The following TEX261 variants were observed in gnomAD, a reference collection of about 807,000 sequenced individuals.
The protein encoded by TEX261 is protein TEX261.
A neutral mutation model predicts 25.1 loss-of-function variants in TEX261; 13 were observed. The observed-to-expected ratio is 0.52, with a 90% CI of 0.34 to 0.82. TEX261 has a LOEUF of 0.82. TEX261 is among the 40% of genes least tolerant of loss of function. TEX261 has a pLI of 0.02. For missense variants in TEX261, 206 were observed against 243.2 expected, an observed-to-expected ratio of 0.85 and a Z score of 1.02; for synonymous variants, 92 against 97.8, an observed-to-expected ratio of 0.94 and a Z score of 0.35.
At chr2:70,989,063 G>T in intron 4 of TEX261, 46 bp from the exon 5 acceptor site, 1 of 1,542,052 alleles carries the variant, frequency 6.5e-7, no homozygotes, top group Non-Finnish European at 8.9e-7. Context: ...GAGGTGCCAA[G>T]AGTGGGCTGG....
In TEX261 at chr2:70,988,527, G is replaced by A; in HGVS notation, c.*73C>T. 8.1e-7 allele frequency: 1 copy of A among 1,237,906 alleles called. No individual in the cohort carries two copies. The highest frequency in any genetic ancestry group is 1.5e-5 in the African/African-American group (1 of 67,322). 76.7% of individuals were successfully genotyped at this position (1,237,906 alleles called of 1,614,324 possible). ...GTGGTAGGTGCCTTCCCGACTTCTG[G>A]TCCCCACCTGGCATAGAGGCCCAGG... On this transcript the variant is annotated 3_prime_UTR_variant, in exon 6 of 6. Coordinates refer to ENST00000272438, the MANE Select transcript of TEX261 (RefSeq NM_144582.3).
At position 70,994,781 on chromosome 2, in the gene TEX261, C is replaced by A. The variant is rs782801322; in HGVS notation, c.-24G>T. 2 of 1,570,982 alleles carry A rather than the reference C, an allele frequency of 1.3e-6. No homozygotes were observed. The highest frequency in any genetic ancestry group is 4.8e-5 in the East Asian group (2 of 41,246). ...ATGGCGCCCCCACCCGCCCGCTCCCCGGCCACCGGGACGGGCCTGCGCGCT... is the reference window on the plus strand; with the variant it reads ...ATGGCGCCCCCACCCGCCCGCTCCCAGGCCACCGGGACGGGCCTGCGCGCT... On this transcript the variant is annotated 5_prime_UTR_variant, in exon 1 of 6. Coordinates refer to ENST00000272438, the MANE Select transcript of TEX261 (RefSeq NM_144582.3).
At position 70,991,845 on chromosome 2, in the gene TEX261, A is replaced by T. The variant is rs115676218; in HGVS notation, c.289T>A (p.Phe97Ile). The part of the protein sequence containing the change: ...FPFIMLTSPN[F>I]ILSCGLVVVN... The stretch of plus-strand genomic sequence containing the variant: ...CCCCTCTCACCACACGACAGGATGA[A>T]GTTAGGCGAGGTCAGCATGATGAAG... The change falls in exon 3 of 6, where the codon TTC becomes ATC. Residue 97 changes from phenylalanine (F) to isoleucine (I), a missense_variant. By Grantham distance (21) the Phe-to-Ile change is conservative. Coordinates refer to ENST00000272438, the MANE Select transcript of TEX261 (RefSeq NM_144582.3). The T allele has an allele frequency of 6.2e-7, 1 of 1,613,468 alleles. No individual in the cohort carries two copies. The highest frequency in any genetic ancestry group is 1.3e-5 in the African/African-American group (1 of 75,018).
chr2:70,994,553 A>C, intron 1 of TEX261, 135 bp downstream of exon 1: 3 of 1,278,276 alleles, frequency 2.3e-6, no homozygotes, highest in African/African-American at 3.1e-5. Context: ...TCAGGCGGGA[A>C]GGGGTTGGGG....
At chr2:70,994,309 A>T (rs1262188128) in intron 1 of TEX261, among the ~76,000 whole-genome samples, 1 of 152,276 alleles carries the variant, frequency 6.6e-6, no homozygotes, top group African/African-American at 2.4e-5. Flanking sequence ...GAAGTGTCAA[A>T]GGTGGAGAGA....
In TEX261 at chr2:70,990,328, C is replaced by T. The variant is rs1409449290; in HGVS notation, c.305-512G>A. Among the ~76,000 whole-genome samples, 3 of 152,304 alleles carry T rather than the reference C, an allele frequency of 2.0e-5. No homozygotes were observed. The East Asian group carries it at 5.8e-4, about 29-fold the overall frequency. On this transcript the variant is annotated intron_variant, in intron 3 of 5. Coordinates refer to ENST00000272438, the MANE Select transcript of TEX261 (RefSeq NM_144582.3). ...ATAAAAGGGCAAGACTTGCTAGATGCTTTGAGGTGCAGTCTTCAGGTTCCT... is the reference window on the plus strand; with the variant it reads ...ATAAAAGGGCAAGACTTGCTAGATGTTTTGAGGTGCAGTCTTCAGGTTCCT...
At chr2:70,988,829 T>C (rs1392821968) in intron 5 of TEX261, 86 bp downstream of exon 5, 2 of 1,540,822 alleles carry the variant, frequency 1.3e-6, no homozygotes, top group African/African-American at 1.4e-5. Flanking sequence ...AACACAGGGC[T>C]AGATTCAGGT....
intron 2 of TEX261, 31 bp downstream of exon 2, chr2:70,993,662 GTGA>G: frequency 1.1e-5 from 17 of 1,568,546 alleles, no homozygotes; most frequent in Non-Finnish European, 1.4e-5. Context: ...GGGCAAAAGA[GTGA>G]GGAGGACTCC....
chr2:70,993,646 G>A (rs781891635), intron 2 of TEX261, 50 bp downstream of exon 2: 1 of 1,488,416 alleles, frequency 6.7e-7, no homozygotes, highest in Non-Finnish European at 9.4e-7. Context: ...TCCTGCTTTT[G>A]AGGCAGGGCA....
At chr2:70,992,548 G>A (rs1039629086) in intron 2 of TEX261, among the ~76,000 whole-genome samples, 2 of 152,084 alleles carry the variant, frequency 1.3e-5, no homozygotes, top group South Asian at 2.1e-4. Flanking sequence ...TGACCAACAT[G>A]GAGAAACCCC....
intron 3 of TEX261, 118 bp from the exon 4 acceptor site, chr2:70,989,934 C>A (rs1461190286): frequency 1.1e-5 from 8 of 742,538 alleles, no homozygotes; most frequent in South Asian, 3.1e-5. Context: ...TGACTTTACA[C>A]TCAACTCAGA....
At chr2:70,989,360 C>CAGCA in intron 4 of TEX261, 1 of 437,276 alleles carries the variant, frequency 2.3e-6, no homozygotes, top group East Asian at 4.5e-5. Context: ...CAAACTGGAG[C>CAGCA]AGCAGGGTGT....
chr2:70,989,899 G>A (rs1553425444), intron 3 of TEX261, 83 bp from the exon 4 acceptor site: 2 of 1,038,056 alleles, frequency 1.9e-6, no homozygotes, highest in Non-Finnish European at 1.5e-6. Context: ...CTCAGAAGTT[G>A]GGAGCCTCCA....
At position 70,994,715 on chromosome 2, in the gene TEX261, G is replaced by T. The variant is rs782035292; in HGVS notation, c.43C>A (p.Gln15Lys). The T allele has an allele frequency of 6.2e-7, 1 of 1,606,176 alleles. No individual in the cohort carries two copies. The highest frequency in any genetic ancestry group is 2.2e-5 in the East Asian group (1 of 44,512). ...ACAGCCAGCGTGATGAAGGCCACCT[G>T]GATGAAGAGCGACAGCCAGCTCAGC... ...YLLSWLSLFI[Q>K]VAFITLAVAA... The change falls in exon 1 of 6, where the codon CAG becomes AAG. Residue 15 changes from glutamine (Q) to lysine (K), a missense_variant. Gln to Lys is a moderately conservative substitution (Grantham distance 53, BLOSUM62 1). Coordinates refer to ENST00000272438, the MANE Select transcript of TEX261 (RefSeq NM_144582.3).
intron 1 of TEX261, chr2:70,994,385 C>T: frequency 2.0e-6 from 1 of 495,418 alleles, no homozygotes; most frequent in East Asian, 4.0e-5. Flanking sequence ...TTCCGCGCGG[C>T]AGGCCCGCGA....
In TEX261 at chr2:70,994,420, G is replaced by A. The variant is rs138449503; in HGVS notation, c.70+268C>T. 1,642 of 539,504 alleles carry A rather than the reference G, an allele frequency of 3.0e-3. 7 individuals carry two copies. Among genetic ancestry groups the A allele is most frequent in the Non-Finnish European group, 3.2e-3 (992 of 307,252 alleles). 33.4% of individuals were successfully genotyped at this position (539,504 alleles called of 1,614,324 possible). On this transcript the variant is annotated intron_variant, in intron 1 of 5. Transcript: ENST00000272438. Reference sequence around the variant, plus strand: ...AAGAGTGGGAGCCGCAGCGGTTAGCGGTCCGCAGACGCGGGGGCGGCACTC... The same window carrying A: ...AAGAGTGGGAGCCGCAGCGGTTAGCAGTCCGCAGACGCGGGGGCGGCACTC...
Position 70,991,932 on chromosome 2 carries a change from T to C in TEX261, c.202A>G (p.Ser68Gly), listed in dbSNP as rs1304878733. 3 of 1,613,494 alleles carry C rather than the reference T, an allele frequency of 1.9e-6. No individual in the cohort carries two copies. Among genetic ancestry groups the C allele is most frequent in the Non-Finnish European group, 2.5e-6 (3 of 1,179,768 alleles). Reference protein sequence around the residue: ...GLYVFERFPTSMIGVGLFTNL... With the variant: ...GLYVFERFPTGMIGVGLFTNL... ...GTGAATAGGCCCACTCCAATCATGCTGGTGGGGAAGCGCTCAAAGACGTAG... is the reference window on the plus strand; with the variant it reads ...GTGAATAGGCCCACTCCAATCATGCCGGTGGGGAAGCGCTCAAAGACGTAG... Residue 68 changes from serine (S) to glycine (G), a missense_variant, in exon 3 of 6, where the codon AGC becomes GGC. Physicochemically the swap from Ser to Gly is moderately conservative, Grantham distance 56. Transcript: ENST00000272438.
intron 5 of TEX261, 97 bp from the exon 6 acceptor site, chr2:70,988,812 T>C: frequency 6.6e-7 from 1 of 1,513,940 alleles, no homozygotes; most frequent in Admixed American, 1.7e-5. Context: ...CGAGTCCAGG[T>C]GTCTCCAACA....
intron 3 of TEX261, 162 bp downstream of exon 3, chr2:70,991,668 C>G: frequency 1.3e-6 from 1 of 771,554 alleles, no homozygotes; most frequent in Non-Finnish European, 2.0e-6. Flanking sequence ...CCAAGGTGGG[C>G]TCTAGAGTCC....
Sources: allele counts gnomAD v4.1 joint callset (sites outside exome capture counted in the v4.1 genomes callset), GRCh38; gene constraint gnomAD v4.1.1; transcripts MANE v1.5; gene names NCBI Gene and HGNC (gene_info 2026-07-23, HGNC 2026-07-21).